Variants in ATF6 observed in about 807,000 individuals in gnomAD.
ATF6 encodes the protein activating transcription factor 6.
A neutral mutation model predicts 83.6 loss-of-function variants in ATF6; 53 were observed. The ratio of observed to expected loss-of-function variants is 0.63; its 90% CI spans 0.51 to 0.80. ATF6 has a LOEUF of 0.80. Ranked by LOEUF, ATF6 falls within the 30% of genes least tolerant of loss-of-function variation. The pLI, the probability that ATF6 is intolerant of heterozygous loss-of-function variation, is 0.00. For missense variants in ATF6, 744 were observed against 797.9 expected (o/e 0.93, Z 0.81); for synonymous variants, 288 against 285.8 (o/e 1.01, Z -0.08).
chr1:161,935,867 T>G (rs2101905480), intron 15 of ATF6, among the ~76,000 whole-genome samples: 1 of 152,312 alleles, frequency 6.6e-6, no homozygotes, highest in Non-Finnish European at 1.5e-5. Context: ...ACGGAATTGA[T>G]TATATTCCAT....
intron 7 of ATF6, among the ~76,000 whole-genome samples, chr1:161,810,491 A>G (rs1685429220): frequency 6.6e-6 from 1 of 152,208 alleles, no homozygotes; most frequent in African/African-American, 2.4e-5. Context: ...AGATTTGGGT[A>G]GAGACACAAA....
At chr1:161,925,133 G>C (rs962955299) in intron 15 of ATF6, among the ~76,000 whole-genome samples, 5 of 152,058 alleles carry the variant, frequency 3.3e-5, no homozygotes, top group African/African-American at 1.2e-4. Flanking sequence ...AAGACCTTCC[G>C]GTTTTTGGAA....
chr1:161,849,568 T>A (rs1264476322), intron 10 of ATF6, among the ~76,000 whole-genome samples: 2 of 152,156 alleles, frequency 1.3e-5, no homozygotes, highest in South Asian at 2.1e-4. Flanking sequence ...TTTCCTTTTG[T>A]GTTACTATGG....
intron 9 of ATF6, 50 bp downstream of exon 9, chr1:161,821,211 C>A: frequency 1.6e-6 from 2 of 1,251,586 alleles, no homozygotes; most frequent in Admixed American, 2.1e-5. Flanking sequence ...AACTTAAATT[C>A]TCATTATTCT....
At chr1:161,923,961 G>C (rs1688262133) in intron 15 of ATF6, among the ~76,000 whole-genome samples, 1 of 152,206 alleles carries the variant, frequency 6.6e-6, no homozygotes, top group East Asian at 1.9e-4. Context: ...AGCCAACAGA[G>C]TTGGTTTGAG....
At chr1:161,874,910 A>G (rs1035138920) in intron 14 of ATF6, among the ~76,000 whole-genome samples, 14 of 151,680 alleles carry the variant, frequency 9.2e-5, no homozygotes, top group Non-Finnish European at 1.9e-4. Flanking sequence ...TTTTCTATAT[A>G]TTTGACCCTA....
intron 15 of ATF6, among the ~76,000 whole-genome samples, chr1:161,957,228 C>T (rs1330463851): frequency 6.6e-6 from 1 of 151,630 alleles, no homozygotes; most frequent in Non-Finnish European, 1.5e-5. Flanking sequence ...AATTCTTTGT[C>T]TTGGAAAAGC....
chr1:161,937,943 C>G (rs923518110), intron 15 of ATF6, among the ~76,000 whole-genome samples: 1 of 152,254 alleles, frequency 6.6e-6, no homozygotes, highest in Non-Finnish European at 1.5e-5. Flanking sequence ...AGCTTTCCAT[C>G]TCACTCAGAG....
chr1:161,818,333 T>G (rs1685666429), intron 7 of ATF6, among the ~76,000 whole-genome samples: 1 of 152,216 alleles, frequency 6.6e-6, no homozygotes, highest in African/African-American at 2.4e-5. Flanking sequence ...TAGACTAATG[T>G]ATAACAATAG....
At chr1:161,940,420 T>A (rs1247051585) in intron 15 of ATF6, among the ~76,000 whole-genome samples, 2 of 152,154 alleles carry the variant, frequency 1.3e-5, no homozygotes, top group Admixed American at 6.5e-5. Flanking sequence ...TTTCCACTTA[T>A]ATTTTGTATT....
intron 15 of ATF6, among the ~76,000 whole-genome samples, chr1:161,933,356 C>T (rs1264221895): frequency 6.6e-6 from 1 of 152,178 alleles, no homozygotes; most frequent in Non-Finnish European, 1.5e-5. Flanking sequence ...ATTTTTAAAG[C>T]ATCTTTAGTC....
At chr1:161,945,497 G>A (rs537031157) in intron 15 of ATF6, among the ~76,000 whole-genome samples, 14 of 152,206 alleles carry the variant, frequency 9.2e-5, no homozygotes, top group Non-Finnish European at 1.8e-4. Context: ...AGTATGTTTG[G>A]ACTTCACAGA....
At chr1:161,782,609 C>T (rs983650287) in intron 3 of ATF6, among the ~76,000 whole-genome samples, 16 of 152,098 alleles carry the variant, frequency 1.1e-4, no homozygotes, top group South Asian at 4.1e-4. Flanking sequence ...TTTATATCAC[C>T]GATTATAGAA....
rs186954150 is a variant in ATF6, at chr1:161,832,527, G to A, written c.1187+11366G>A. 2.6e-3 allele frequency among the ~76,000 whole-genome samples: 398 copies of A among 152,298 alleles called. 3 individuals carry two copies. The highest frequency in any genetic ancestry group is 8.9e-3 in the African/African-American group (369 of 41,550). The stretch of plus-strand genomic sequence containing the variant: ...CTAGTCAAAGAAAGGGGTGACAGAC[G>A]GCACCTGGAAAATCGGGTCACTACC... On this transcript the variant is annotated intron_variant, in intron 9 of 15. Coordinates refer to ENST00000367942, the MANE Select transcript of ATF6 (RefSeq NM_007348.4).
chr1:161,821,706 C>G (rs1175843313), intron 9 of ATF6, among the ~76,000 whole-genome samples: 2 of 152,064 alleles, frequency 1.3e-5, no homozygotes, highest in African/African-American at 4.8e-5. Context: ...ATAGGTGCTG[C>G]TGTGTACAAT....
intron 14 of ATF6, among the ~76,000 whole-genome samples, chr1:161,875,814 A>G (rs938470565): frequency 2.0e-5 from 3 of 151,924 alleles, no homozygotes; most frequent in African/African-American, 4.8e-5. Flanking sequence ...TGCAGCAGAA[A>G]TGCTTTATGT....
intron 5 of ATF6, 71 bp downstream of exon 5, chr1:161,791,608 A>T: frequency 6.7e-7 from 1 of 1,484,080 alleles, no homozygotes; most frequent in South Asian, 1.3e-5. Context: ...CTTAAAAGAA[A>T]ATGCTGGATT....
intron 14 of ATF6, among the ~76,000 whole-genome samples, chr1:161,881,571 A>G (rs896531255): frequency 6.6e-6 from 1 of 152,148 alleles, no homozygotes; most frequent in African/African-American, 2.4e-5. Flanking sequence ...GCTATGTGGA[A>G]GGGGTATGGA....
rs1217038173 is a variant in ATF6 at position 161,963,850 on chromosome 1, G to A, written c.*5196G>A. The A allele has an allele frequency of 6.6e-6, 1 of 152,176 alleles. No homozygotes were observed. Among genetic ancestry groups the A allele is most frequent in the Admixed American group, 6.5e-5 (1 of 15,282 alleles). 9.4% of individuals were successfully genotyped at this position (152,176 alleles called of 1,614,324 possible). A position where few individuals can be genotyped will look rare whatever the true frequency, so the allele number is the denominator to read the frequency against. On this transcript the variant is annotated 3_prime_UTR_variant, in exon 16 of 16. Coordinates refer to ENST00000367942, the MANE Select transcript of ATF6 (RefSeq NM_007348.4). ...CATTAGAACTGAGGGGGGAGTGTTAGAGATGCCATTTCACCAGGATCTTTT... is the reference window on the plus strand; with the variant it reads ...CATTAGAACTGAGGGGGGAGTGTTAAAGATGCCATTTCACCAGGATCTTTT...
Sources: gnomAD v4.1 joint callset for allele counts (sites outside exome capture counted in the v4.1 genomes callset) on GRCh38, gnomAD v4.1.1 for gene constraint, MANE v1.5 for transcripts, NCBI Gene and HGNC (gene_info 2026-07-23, HGNC 2026-07-21) for gene names.